MYOF: variants seen among roughly 807,000 people sequenced by gnomAD.
The protein encoded by MYOF is fer-1-like 3, myoferlin.
MYOF carries 244 observed loss-of-function variants against 284.2 expected under a neutral mutation model. The observed-to-expected ratio is 0.86, with a 90% CI of 0.77 to 0.95. MYOF has a LOEUF of 0.95. MYOF is among the 40% of genes least tolerant of loss of function. The pLI is 0.00. For synonymous variants in MYOF, 904 were observed against 919.7 expected (o/e 0.98, Z 0.31); for missense variants, 2,496 against 2,560.6 (o/e 0.97, Z 0.54).
chr10:93,357,652 T>C (rs1005257076), intron 29 of MYOF, among the ~76,000 whole-genome samples: 1 of 152,240 alleles, frequency 6.6e-6, no homozygotes, highest in Non-Finnish European at 1.5e-5. Context: ...GTAATTATTG[T>C]TGGGTCTATT....
At chr10:93,321,867 C>A (rs1208093049) in intron 48 of MYOF, among the ~76,000 whole-genome samples, 1 of 152,036 alleles carries the variant, frequency 6.6e-6, no homozygotes, top group Admixed American at 6.5e-5. Context: ...GGTATTTATG[C>A]ACGATTCATC....
intron 1 of MYOF, among the ~76,000 whole-genome samples, chr10:93,477,070 A>G (rs543326641): frequency 8.5e-5 from 13 of 152,262 alleles, no homozygotes; most frequent in Non-Finnish European, 1.8e-4. Flanking sequence ...TTGTAAAGGC[A>G]CAATAATATA....
At chr10:93,459,144 T>G (rs553489797) in intron 1 of MYOF, among the ~76,000 whole-genome samples, 35 of 152,274 alleles carry the variant, frequency 2.3e-4, no homozygotes, top group African/African-American at 8.2e-4. Flanking sequence ...ACAGAGCCCC[T>G]CACTGCATCT....
intron 37 of MYOF, among the ~76,000 whole-genome samples, chr10:93,344,258 G>A (rs1340973180): frequency 6.6e-6 from 1 of 152,178 alleles, no homozygotes; most frequent in African/African-American, 2.4e-5. Flanking sequence ...GAGTAAGTGG[G>A]GAACCGACAT....
chr10:93,411,727 A>C (rs752248940), intron 5 of MYOF, among the ~76,000 whole-genome samples: 4 of 152,166 alleles, frequency 2.6e-5, no homozygotes, highest in Non-Finnish European at 5.9e-5. Context: ...CCTGCTCCTC[A>C]TCATCCATTC....
chr10:93,482,251 GA>G lies in MYOF; in HGVS notation c.-58del. On this transcript the variant is annotated 5_prime_UTR_variant, in exon 1 of 54. Transcript: ENST00000359263. ...AAACGAAGTGGAGACTAGGGCGCTG[GA>G]GCTCCGGGTCGCACCGCCCTGGGAG... The G allele has an allele frequency of 6.9e-7, 1 of 1,443,582 alleles. No homozygotes were observed. The highest frequency in any genetic ancestry group is 1.2e-5 in the South Asian group (1 of 85,124). The allele number at this position is 1,443,582 out of a possible 1,614,324, so 89.4% of individuals were successfully genotyped here. A position where few individuals can be genotyped will look rare whatever the true frequency, so the allele number is the denominator to read the frequency against.
intron 5 of MYOF, among the ~76,000 whole-genome samples, chr10:93,420,618 A>C (rs1239169482): frequency 1.3e-5 from 2 of 152,236 alleles, no homozygotes; most frequent in Non-Finnish European, 2.9e-5. Flanking sequence ...TAAAAATCTT[A>C]ACTTTTGTAT....
Position 93,419,459 on chromosome 10 carries a change from G to A in MYOF, c.433+6612C>T, listed in dbSNP as rs570694332. Among the ~76,000 whole-genome samples, 336 of 150,534 alleles carry A rather than the reference G, an allele frequency of 2.2e-3. 4 individuals carry two copies. Among genetic ancestry groups the A allele is most frequent in the African/African-American group, 7.6e-3 (313 of 40,996 alleles). The stretch of plus-strand genomic sequence containing the variant: ...ATTACAGGCATGAGCCACCGTGCCC[G>A]GCCCCAAAATGCCCTTCTTAAAAAA... On this transcript the variant is annotated intron_variant, in intron 5 of 53. Coordinates refer to ENST00000359263, the MANE Select transcript of MYOF (RefSeq NM_013451.4).
At chr10:93,402,000 A>C (rs546235878) in intron 11 of MYOF, among the ~76,000 whole-genome samples, 1 of 152,326 alleles carries the variant, frequency 6.6e-6, no homozygotes, top group East Asian at 1.9e-4. Context: ...TTGTAAAAAC[A>C]CATTCATCGA....
chr10:93,320,236 G>A (rs533430514), intron 48 of MYOF, among the ~76,000 whole-genome samples: 1 of 152,254 alleles, frequency 6.6e-6, no homozygotes, highest in South Asian at 2.1e-4. Flanking sequence ...TAAAACCAAA[G>A]CAGGAAACCC....
At chr10:93,478,667 C>CA (rs1020721664) in intron 1 of MYOF, among the ~76,000 whole-genome samples, 5 of 78,186 alleles carry the variant, frequency 6.4e-5, no homozygotes, top group African/African-American at 1.1e-4. Context: ...CCTGTCTCTA[C>CA]AAAAAAAATT....
At chr10:93,381,764 C>T (rs954390691) in intron 19 of MYOF, among the ~76,000 whole-genome samples, 6 of 152,148 alleles carry the variant, frequency 3.9e-5, no homozygotes, top group South Asian at 2.1e-4. Flanking sequence ...GGGCTGGGTA[C>T]GGTGGCTCAT....
intron 38 of MYOF, 69 bp downstream of exon 38, chr10:93,343,787 C>T: frequency 6.7e-7 from 1 of 1,488,088 alleles, no homozygotes; most frequent in Non-Finnish European, 9.4e-7. Context: ...ACTGAATTCA[C>T]CAAATGCTTA....
At position 93,379,812 on chromosome 10, in the gene MYOF, C is replaced by G. The variant is rs371850272; in HGVS notation, c.2001+51G>C. 18 of 1,606,880 alleles carry G rather than the reference C, an allele frequency of 1.1e-5. 1 individual carries two copies. The highest frequency in any genetic ancestry group is 1.7e-5 in the Admixed American group (1 of 59,794). On this transcript the variant is annotated intron_variant, in intron 21 of 53. Transcript: ENST00000359263. ...TAGTGGCCTGGCCTCCATCCTAATA[C>G]CTAATTCACCCTGCTTGGTGAAAAG...
intron 5 of MYOF, among the ~76,000 whole-genome samples, chr10:93,423,755 C>A (rs1006126426): frequency 6.6e-6 from 1 of 151,374 alleles, no homozygotes; most frequent in East Asian, 1.9e-4. Flanking sequence ...ATGGCGTGAA[C>A]CCTGGAGGCG....
intron 53 of MYOF, 144 bp from the exon 54 acceptor site, chr10:93,307,145 T>C (rs2133684880): frequency 4.3e-6 from 3 of 699,910 alleles, no homozygotes; most frequent in Non-Finnish European, 6.8e-6. Flanking sequence ...TTGTAGGATG[T>C]TCAGCAGCTT....
At chr10:93,466,485 T>C (rs1236720852) in intron 1 of MYOF, among the ~76,000 whole-genome samples, 1 of 152,170 alleles carries the variant, frequency 6.6e-6, no homozygotes, top group East Asian at 1.9e-4. Context: ...CCAAGGGAGC[T>C]GCAGTGAAGT....
Position 93,379,926 on chromosome 10 carries a change from GTAT to G in MYOF, c.1935_1937del (p.Tyr646del). The G allele has an allele frequency of 6.2e-7, 1 of 1,614,152 alleles. No individual in the cohort carries two copies. The highest frequency in any genetic ancestry group is 2.2e-5 in the East Asian group (1 of 44,888). ...CCAGGCGATGACTAATATCCTCCCA[GTAT>G]GAAGTCAGGGTAACAACTGGCTTGG... On this transcript the variant is annotated inframe_deletion, in exon 21 of 54. Coordinates refer to ENST00000359263, the MANE Select transcript of MYOF (RefSeq NM_013451.4).
chr10:93,360,884 A>AG (rs1449277782), intron 28 of MYOF, among the ~76,000 whole-genome samples: 2 of 152,160 alleles, frequency 1.3e-5, no homozygotes, highest in African/African-American at 4.8e-5. Flanking sequence ...TGGATCCCCA[A>AG]GCATCTCAAA....
Sources: allele counts gnomAD v4.1 joint callset (sites outside exome capture counted in the v4.1 genomes callset), GRCh38; gene constraint gnomAD v4.1.1; transcripts MANE v1.5; gene names NCBI Gene and HGNC (gene_info 2026-07-23, HGNC 2026-07-21).